SULF2: variants seen among roughly 807,000 people sequenced by gnomAD.
SULF2 encodes sulfatase 2, also known as extracellular sulfatase Sulf-2.
A neutral mutation model predicts 107.7 loss-of-function variants in SULF2; 52 were observed. The observed-to-expected ratio is 0.48, with a 90% confidence interval of 0.39 to 0.61. The LOEUF (loss-of-function observed/expected upper bound fraction) is 0.61, where lower values mean the gene tolerates loss of function less well. Among genes scored for constraint, SULF2 ranks in the 20% least tolerant of loss-of-function variants. SULF2 has a pLI of 0.00. For missense variants in SULF2, 993 were observed against 1,177.3 expected (o/e 0.84, Z 2.29); for synonymous variants, 460 against 464.3 (o/e 0.99, Z 0.12).
At chr20:47,673,363 C>T (rs763465382) in intron 10 of SULF2, among the ~76,000 whole-genome samples, 5 of 152,172 alleles carry the variant, frequency 3.3e-5, no homozygotes, top group Admixed American at 6.5e-5. Context: ...CGCTACCCTA[C>T]GAGGCAGGTG....
At chr20:47,704,686 T>C (rs8184323) in intron 3 of SULF2, among the ~76,000 whole-genome samples, 2 of 152,372 alleles carry the variant, frequency 1.3e-5, no homozygotes, top group Non-Finnish European at 2.9e-5. Flanking sequence ...ATGAGGACAC[T>C]GCGGTTCTGA....
At chr20:47,778,978 C>A (rs1016348047) in intron 1 of SULF2, among the ~76,000 whole-genome samples, 10 of 152,192 alleles carry the variant, frequency 6.6e-5, no homozygotes, top group African/African-American at 2.4e-4. Context: ...CAGACATCCA[C>A]GTTCACCACC....
At chr20:47,661,698 G>T in intron 18 of SULF2, 75 bp downstream of exon 18, 1 of 1,366,174 alleles carries the variant, frequency 7.3e-7, no homozygotes, top group Non-Finnish European at 9.6e-7. Context: ...CATTCTTGGG[G>T]TAGACACCAC....
At chr20:47,747,935 G>C (rs1013215907) in intron 2 of SULF2, among the ~76,000 whole-genome samples, 7 of 152,010 alleles carry the variant, frequency 4.6e-5, no homozygotes, top group African/African-American at 1.7e-4. Flanking sequence ...GCAGTGCCCC[G>C]TCCTGCTCCG....
At chr20:47,768,906 G>C (rs1330157277) in intron 1 of SULF2, among the ~76,000 whole-genome samples, 2 of 138,828 alleles carry the variant, frequency 1.4e-5, no homozygotes, top group Non-Finnish European at 3.1e-5. Context: ...TTTTGAGATG[G>C]AGTCTCCTCT....
At chr20:47,728,833 A>G (rs2089518612) in intron 3 of SULF2, among the ~76,000 whole-genome samples, 1 of 152,106 alleles carries the variant, frequency 6.6e-6, no homozygotes, top group African/African-American at 2.4e-5. Context: ...TTTAGTAGAG[A>G]TGGGGTTTCA....
chr20:47,749,249 G>A (rs2090111819), intron 2 of SULF2, among the ~76,000 whole-genome samples: 1 of 152,182 alleles, frequency 6.6e-6, no homozygotes, highest in South Asian at 2.1e-4. Context: ...GTATAATTCT[G>A]TCTTGTTTAA....
intron 2 of SULF2, among the ~76,000 whole-genome samples, chr20:47,742,396 C>T (rs73315751): frequency 0.019 from 2,914 of 152,262 alleles, 89 homozygotes; most frequent in African/African-American, 0.064. Flanking sequence ...AAAACAGACC[C>T]GGTTTCTTTC....
chr20:47,735,924 C>A (rs2146782552), intron 3 of SULF2, among the ~76,000 whole-genome samples: 1 of 152,332 alleles, frequency 6.6e-6, no homozygotes, highest in Middle Eastern at 3.4e-3. Context: ...GATGCAACTT[C>A]CTGGGGTTGC....
chr20:47,725,689 C>G (rs1346946512), intron 3 of SULF2, among the ~76,000 whole-genome samples: 4 of 152,208 alleles, frequency 2.6e-5, no homozygotes, highest in African/African-American at 7.2e-5. Context: ...GTAGAGTGAA[C>G]AGTCCACAGT....
In SULF2 at chr20:47,680,492, C is replaced by T. The variant is rs114142931; in HGVS notation, c.1065-1688G>A. ...GACCCAGGACCTGTTGAATGGTGGA[C>T]AGTCCCGTCAGAGCATCTGAGTGCC... On this transcript the variant is annotated intron_variant, in intron 7 of 20. Coordinates refer to ENST00000688720, the MANE Select transcript of SULF2 (RefSeq NM_001387048.1). The surrounding 1 kb of genome is among the most constrained non-coding windows in gnomAD (Gnocchi z 4.2). Among the ~76,000 whole-genome samples, 787 of 152,362 alleles carry T rather than the reference C, an allele frequency of 5.2e-3. 6 individuals are homozygous for T. Among genetic ancestry groups the T allele is most frequent in the African/African-American group, 0.018 (762 of 41,590 alleles).
intron 3 of SULF2, among the ~76,000 whole-genome samples, chr20:47,729,527 T>C (rs148054643): frequency 6.6e-6 from 1 of 152,056 alleles, no homozygotes; most frequent in Non-Finnish European, 1.5e-5. Context: ...ACTCTGGGCA[T>C]ATTTTGAAGG....
chr20:47,726,172 C>T (rs1020923235), intron 3 of SULF2, among the ~76,000 whole-genome samples: 1 of 152,100 alleles, frequency 6.6e-6, no homozygotes, highest in Non-Finnish European at 1.5e-5. Context: ...TGTGTCACTC[C>T]CCACTCCCAA....
At chr20:47,697,476 G>A (rs1483624962) in intron 4 of SULF2, among the ~76,000 whole-genome samples, 1 of 152,200 alleles carries the variant, frequency 6.6e-6, no homozygotes, top group African/African-American at 2.4e-5. Context: ...CTAGGGCCCA[G>A]GGCACAGGGC....
At chr20:47,753,352 A>C (rs111530808) in intron 2 of SULF2, among the ~76,000 whole-genome samples, 1 of 152,346 alleles carries the variant, frequency 6.6e-6, no homozygotes, top group Non-Finnish European at 1.5e-5. Flanking sequence ...GGACCCCCAC[A>C]TCAAAAGCTT....
At chr20:47,661,623 TG>T in intron 18 of SULF2, 149 bp downstream of exon 18, 1 of 715,172 alleles carries the variant, frequency 1.4e-6, no homozygotes, top group Non-Finnish European at 2.1e-6. Flanking sequence ...CTGCCTGCTA[TG>T]GACAGGGGCT....
Position 47,678,014 on chromosome 20 carries a change from C to G in SULF2, c.1193+662G>C, listed in dbSNP as rs1000148358. On this transcript the variant is annotated intron_variant, in intron 8 of 20. Transcript: ENST00000688720. This position sits in a 1 kb window ranked among gnomAD's most constrained non-coding sequence, Gnocchi z 4.5. ...CCAGGAACCTGGTGGCTGTTAAGAG[C>G]GCTGGCCACCAGATGTCGCTGCGGC... is the stretch of plus-strand genomic sequence containing the variant. 1 of 152,294 alleles carries G rather than the reference C, an allele frequency of 6.6e-6. No individual in the cohort carries two copies. Among genetic ancestry groups the G allele is most frequent in the African/African-American group, 2.4e-5 (1 of 41,456 alleles). 9.4% of individuals were successfully genotyped at this position (152,294 alleles called of 1,614,324 possible). A position where few individuals can be genotyped will look rare whatever the true frequency, so the allele number is the denominator to read the frequency against.
chr20:47,756,481 C>T (rs2090285899), intron 2 of SULF2, among the ~76,000 whole-genome samples: 2 of 152,130 alleles, frequency 1.3e-5, no homozygotes, highest in African/African-American at 4.8e-5. Context: ...TTCAGGTTGT[C>T]AAGGCTAACC....
intron 4 of SULF2, among the ~76,000 whole-genome samples, chr20:47,701,514 G>A (rs1280043435): frequency 2.0e-5 from 3 of 152,170 alleles, no homozygotes; most frequent in African/African-American, 7.2e-5. Flanking sequence ...CAGGTGCTCA[G>A]GCAGCACCCA....
Sources: allele counts gnomAD v4.1 joint callset (sites outside exome capture counted in the v4.1 genomes callset), GRCh38; gene constraint gnomAD v4.1.1; non-coding constraint Gnocchi (gnomAD v3.1); transcripts MANE v1.5; gene names NCBI Gene and HGNC (gene_info 2026-07-23, HGNC 2026-07-21).